CDIN1: variants seen among roughly 807,000 people sequenced by gnomAD.
CDIN1 encodes the protein CDAN1 interacting nuclease 1.
CDIN1 carries 33 observed loss-of-function variants against 45.3 expected under a neutral mutation model. The ratio of observed to expected loss-of-function variants is 0.73; its 90% confidence interval spans 0.55 to 0.97. The LOEUF is 0.97. Ranked by LOEUF, CDIN1 falls within the 50% of genes least tolerant of loss-of-function variation. CDIN1 has a pLI of 0.00. For missense variants in CDIN1, 303 were observed against 339.4 expected (o/e 0.89, Z 0.84); for synonymous variants, 118 against 124.4 (o/e 0.95, Z 0.34).
intron 10 of CDIN1, chr15:36,799,591 A>C (rs1049464785): frequency 6.6e-6 from 1 of 152,246 alleles, no homozygotes; most frequent in Non-Finnish European, 1.5e-5. Flanking sequence ...GACTTCTAGA[A>C]TCATTGTCAT....
chr15:36,649,386 CTCCAT>C (rs2040483326), intron 3 of CDIN1, among the ~76,000 whole-genome samples: 1 of 152,180 alleles, frequency 6.6e-6, no homozygotes, highest in Non-Finnish European at 1.5e-5. Context: ...GTGACCTGGG[CTCCAT>C]TCCTGATGCC....
chr15:36,718,969 A>G (rs1237049258), intron 10 of CDIN1, among the ~76,000 whole-genome samples: 1 of 151,910 alleles, frequency 6.6e-6, no homozygotes, highest in Admixed American at 6.6e-5. Context: ...TAAGCCTGTA[A>G]TCCCAGCACT....
chr15:36,770,542 G>A (rs539213876), intron 10 of CDIN1, among the ~76,000 whole-genome samples: 6 of 152,066 alleles, frequency 3.9e-5, no homozygotes, highest in South Asian at 4.2e-4. Flanking sequence ...TCTCCCTCCC[G>A]AGTTCAAGCA....
At chr15:36,593,197 A>G (rs116122680) in intron 1 of CDIN1, among the ~76,000 whole-genome samples, 3,803 of 152,328 alleles carry the variant, frequency 0.025, 155 homozygotes, top group African/African-American at 0.086. Context: ...TGGTTATGAT[A>G]GTTAGACTCA....
At chr15:36,654,368 T>G (rs2040696499) in intron 4 of CDIN1, among the ~76,000 whole-genome samples, 1 of 152,192 alleles carries the variant, frequency 6.6e-6, no homozygotes, top group South Asian at 2.1e-4. Context: ...ATTAGTCTAC[T>G]TCTTTTAAGG....
intron 5 of CDIN1, among the ~76,000 whole-genome samples, chr15:36,658,959 A>G (rs953014233): frequency 3.0e-4 from 46 of 152,326 alleles, no homozygotes; most frequent in Admixed American, 9.8e-4. Context: ...ACCTGCAGTG[A>G]TGCTTCATGA....
At chr15:36,612,223 A>G (rs1409824963) in intron 1 of CDIN1, among the ~76,000 whole-genome samples, 1 of 152,066 alleles carries the variant, frequency 6.6e-6, no homozygotes, top group African/African-American at 2.4e-5. Context: ...AGCCTTCCCT[A>G]AGAGACAGCC....
chr15:36,702,220 T>A (rs1421321561), intron 8 of CDIN1: 1 of 680,834 alleles, frequency 1.5e-6, no homozygotes, highest in African/African-American at 1.8e-5. Context: ...ATGCTGTTTT[T>A]AGAGTAACAG....
chr15:36,682,610 A>C (rs1027445051), intron 5 of CDIN1, among the ~76,000 whole-genome samples: 4 of 151,054 alleles, frequency 2.6e-5, no homozygotes, highest in East Asian at 1.9e-4. Context: ...AAAAAAAAAA[A>C]AACAAAAATT....
intron 1 of CDIN1, among the ~76,000 whole-genome samples, chr15:36,586,041 G>C (rs1426895834): frequency 2.0e-5 from 3 of 152,086 alleles, no homozygotes; most frequent in Non-Finnish European, 4.4e-5. Flanking sequence ...CATAAACTCT[G>C]TTCCAGAAAC....
chr15:36,621,346 T>G (rs977095682), intron 1 of CDIN1, among the ~76,000 whole-genome samples: 1 of 152,230 alleles, frequency 6.6e-6, no homozygotes, highest in Non-Finnish European at 1.5e-5. Context: ...AGCGATTAAC[T>G]GTTAAGAGCT....
chr15:36,621,020 C>T (rs932256135), intron 1 of CDIN1, among the ~76,000 whole-genome samples: 2 of 152,158 alleles, frequency 1.3e-5, no homozygotes, highest in South Asian at 2.1e-4. Context: ...CACAAGTTTA[C>T]ATGCTGTTAT....
chr15:36,657,997 C>T, intron 5 of CDIN1, 92 bp downstream of exon 5: 1 of 1,087,986 alleles, frequency 9.2e-7, no homozygotes, highest in Non-Finnish European at 1.3e-6. Context: ...TTAATGAGAG[C>T]CAGATTCCAA....
At chr15:36,628,016 T>G (rs1426307334) in intron 1 of CDIN1, among the ~76,000 whole-genome samples, 1 of 151,762 alleles carries the variant, frequency 6.6e-6, no homozygotes, top group Non-Finnish European at 1.5e-5. Context: ...GTGTGAAACA[T>G]TGTAAATTTT....
At chr15:36,759,791 A>C (rs1367226275) in intron 10 of CDIN1, among the ~76,000 whole-genome samples, 1 of 152,180 alleles carries the variant, frequency 6.6e-6, no homozygotes, top group Non-Finnish European at 1.5e-5. Context: ...AGAAGCAAGC[A>C]CATCTTCACA....
intron 10 of CDIN1, among the ~76,000 whole-genome samples, chr15:36,751,229 T>TATATATATA (rs1555404178): frequency 0.033 from 3,200 of 97,314 alleles, 147 homozygotes; most frequent in Admixed American, 0.077. Flanking sequence ...TATGCTTATT[T>TATATATATA]TATATATATA....
chr15:36,618,185 G>C (rs756456224), intron 1 of CDIN1: 45 of 687,302 alleles, frequency 6.5e-5, no homozygotes, highest in Non-Finnish European at 1.1e-4. Flanking sequence ...TATGAATATG[G>C]GTCGACCATT....
chr15:36,629,128 G>C (rs1394509898), intron 1 of CDIN1, among the ~76,000 whole-genome samples: 1 of 152,146 alleles, frequency 6.6e-6, no homozygotes, highest in Non-Finnish European at 1.5e-5. Context: ...CTGCTGATAA[G>C]GGTTTTGGAC....
intron 10 of CDIN1, among the ~76,000 whole-genome samples, chr15:36,776,934 A>G (rs1231623882): frequency 1.3e-5 from 2 of 152,212 alleles, no homozygotes; most frequent in African/African-American, 4.8e-5. Flanking sequence ...ATTTCCTATT[A>G]TATCATAAAC....
Sources: allele counts gnomAD v4.1 joint callset (sites outside exome capture counted in the v4.1 genomes callset), GRCh38; gene constraint gnomAD v4.1.1; transcripts MANE v1.5; gene names NCBI Gene and HGNC (gene_info 2026-07-23, HGNC 2026-07-21).